The following RARB variants were observed in gnomAD, a reference collection of about 807,000 sequenced individuals.
RARB encodes HBV-activated protein.
A neutral mutation model predicts 51.9 loss-of-function variants in RARB; 17 were observed. The ratio of observed to expected loss-of-function variants is 0.33; its 90% confidence interval spans 0.22 to 0.49. RARB has a LOEUF of 0.49. Ranked by LOEUF, RARB falls within the 20% of genes least tolerant of loss-of-function variation. The probability of loss-of-function intolerance (pLI) is 0.99; values close to 1 mark genes in which losing one functional copy is unlikely to be tolerated. For missense variants in RARB, 369 were observed against 550.8 expected, an observed-to-expected ratio of 0.67 and a Z score of 3.30; for synonymous variants, 215 against 195.4, an observed-to-expected ratio of 1.10 and a Z score of -0.84.
chr3:25,146,398 A>G (rs140857406), intron 4 of RARB, among the ~76,000 whole-genome samples: 34 of 152,088 alleles, frequency 2.2e-4, no homozygotes, highest in Non-Finnish European at 3.1e-4. Context: ...CATAGACAAT[A>G]TATGTTAAAG....
At chr3:25,099,639 T>C (rs886615714) in intron 3 of RARB, among the ~76,000 whole-genome samples, 2 of 149,308 alleles carry the variant, frequency 1.3e-5, no homozygotes, top group African/African-American at 2.5e-5. Flanking sequence ...AAAAAAACTT[T>C]CATTATGTAG....
At chr3:25,291,790 G>A (rs1480894609) in intron 5 of RARB, among the ~76,000 whole-genome samples, 1 of 151,864 alleles carries the variant, frequency 6.6e-6, no homozygotes, top group Admixed American at 6.6e-5. Flanking sequence ...GGCTGTCCAC[G>A]GGCTAATTTA....
intron 5 of RARB, among the ~76,000 whole-genome samples, chr3:25,241,992 A>G (rs1702442942): frequency 6.6e-6 from 1 of 152,142 alleles, no homozygotes; most frequent in African/African-American, 2.4e-5. Context: ...TGACTTTTTA[A>G]TGATCACCAC....
At chr3:25,165,825 A>G (rs1422034934) in intron 4 of RARB, among the ~76,000 whole-genome samples, 2 of 152,226 alleles carry the variant, frequency 1.3e-5, no homozygotes, top group Non-Finnish European at 2.9e-5. Context: ...CATAGTTTAT[A>G]GAAGTAAAAT....
chr3:25,181,560 C>G (rs569060122), intron 5 of RARB, among the ~76,000 whole-genome samples: 1 of 152,090 alleles, frequency 6.6e-6, no homozygotes, highest in Non-Finnish European at 1.5e-5. Flanking sequence ...GCAATGTATG[C>G]GATAGTTGCA....
chr3:25,236,586 G>A lies in RARB; in HGVS notation c.178+62011G>A, dbSNP rs113558609. Among the ~76,000 whole-genome samples the A allele has an allele frequency of 5.6e-3, 858 of 152,152 alleles. 14 individuals carry two copies. Among genetic ancestry groups the A allele is most frequent in the African/African-American group, 0.018 (759 of 41,520 alleles). On this transcript the variant is annotated intron_variant, in intron 5 of 11. Transcript: ENST00000383772. ...AAGGAAAGAGAAGAGGAAAGAAAAGGAGCATCTTTTCTTCCCTTCACTATG... is the reference window on the plus strand; with the variant it reads ...AAGGAAAGAGAAGAGGAAAGAAAAGAAGCATCTTTTCTTCCCTTCACTATG...
chr3:25,307,125 C>A (rs1704171889), intron 5 of RARB, among the ~76,000 whole-genome samples: 1 of 152,148 alleles, frequency 6.6e-6, no homozygotes, highest in African/African-American at 2.4e-5. Context: ...TGGCTCATGC[C>A]TGTGATCCCT....
At chr3:24,837,369 C>T (rs929571711) in intron 1 of RARB, among the ~76,000 whole-genome samples, 1 of 152,184 alleles carries the variant, frequency 6.6e-6, no homozygotes, top group African/African-American at 2.4e-5. Flanking sequence ...GTTTGAAAAA[C>T]AGAGTTTGAC....
intron 5 of RARB, among the ~76,000 whole-genome samples, chr3:25,297,891 T>C (rs550611840): frequency 2.0e-5 from 3 of 152,318 alleles, no homozygotes; most frequent in African/African-American, 7.2e-5. Context: ...CTGCTTTTAA[T>C]GCCTGGTGGG....
chr3:24,910,298 C>G (rs559935789), intron 2 of RARB, among the ~76,000 whole-genome samples: 4 of 152,116 alleles, frequency 2.6e-5, no homozygotes, highest in African/African-American at 7.2e-5. Context: ...CAAAGACTTT[C>G]AAGTAAATTT....
At chr3:25,555,447 C>G (rs1190444580) in intron 3 of RARB, 1 of 152,252 alleles carries the variant, frequency 6.6e-6, no homozygotes, top group East Asian at 1.9e-4. Context: ...AAAATAAACA[C>G]CAAGAAGCTG....
chr3:25,287,268 A>G lies in RARB; in HGVS notation c.178+112693A>G, dbSNP rs78879483. On this transcript the variant is annotated intron_variant, in intron 5 of 11. Transcript: ENST00000383772. ...TGCACTTATCCTTCTTTTTTCATCC[A>G]AAATTCATTTCTGACGTGGTTTTAT... Among the ~76,000 whole-genome samples, 982 of 152,242 alleles carry G rather than the reference A, an allele frequency of 6.5e-3. 9 individuals carry two copies. Among genetic ancestry groups the G allele is most frequent in the African/African-American group, 0.023 (937 of 41,532 alleles).
chr3:25,149,404 A>C (rs970239744), intron 4 of RARB, among the ~76,000 whole-genome samples: 13 of 152,244 alleles, frequency 8.5e-5, no homozygotes, highest in African/African-American at 3.1e-4. Flanking sequence ...TATATAATAA[A>C]GAGCATATAT....
intron 1 of RARB, among the ~76,000 whole-genome samples, chr3:24,837,036 CAAAT>C (rs1203925273): frequency 6.6e-6 from 1 of 152,190 alleles, no homozygotes; most frequent in Non-Finnish European, 1.5e-5. Flanking sequence ...ATAAATTAGA[CAAAT>C]AATATGATAA....
chr3:24,855,962 G>A (rs1427560444), intron 1 of RARB, among the ~76,000 whole-genome samples: 1 of 151,978 alleles, frequency 6.6e-6, no homozygotes, highest in African/African-American at 2.4e-5. Context: ...GTGTTAGCCA[G>A]GATGGTCTCA....
chr3:24,933,210 T>A (rs1397338177), intron 2 of RARB, among the ~76,000 whole-genome samples: 1 of 152,104 alleles, frequency 6.6e-6, no homozygotes, highest in Non-Finnish European at 1.5e-5. Context: ...TAACTCTGCA[T>A]CATTTTAGTC....
At chr3:25,305,533 C>A (rs1293290189) in intron 5 of RARB, among the ~76,000 whole-genome samples, 1 of 152,126 alleles carries the variant, frequency 6.6e-6, no homozygotes, top group Non-Finnish European at 1.5e-5. Context: ...AGTTTCTGTG[C>A]AAGGGTTGAA....
Position 25,287,524 on chromosome 3 carries a change from C to G in RARB, c.178+112949C>G, listed in dbSNP as rs531859560. On this transcript the variant is annotated intron_variant, in intron 5 of 11. Coordinates refer to the RARB transcript ENST00000383772. ...AAGCATAGAAACTGCTTCCATCCAT[C>G]CTATCCTGGTCCACACACAGACAGA... 4.6e-5 allele frequency among the ~76,000 whole-genome samples: 7 copies of G among 152,276 alleles called. No individual in the cohort carries two copies. In the East Asian group the frequency reaches 1.4e-3, roughly 29 times the overall value.
chr3:25,111,345 C>T (rs1419291632), intron 3 of RARB, among the ~76,000 whole-genome samples: 1 of 152,162 alleles, frequency 6.6e-6, no homozygotes, highest in Non-Finnish European at 1.5e-5. Flanking sequence ...ATCTTGACCA[C>T]TGTTGGTATT....
Sources: gnomAD v4.1 joint callset for allele counts (sites outside exome capture counted in the v4.1 genomes callset) on GRCh38, gnomAD v4.1.1 for gene constraint, MANE v1.5 for transcripts, NCBI Gene and HGNC (gene_info 2026-07-23, HGNC 2026-07-21) for gene names.